PRKN: variants seen among roughly 807,000 people sequenced by gnomAD.
PRKN encodes E3 ubiquitin-protein ligase parkin.
In PRKN, 56 loss-of-function variants were observed where a neutral mutation model predicts 59.5. That is an observed-to-expected ratio of 0.94 (90% CI 0.76 to 1.18). The LOEUF (loss-of-function observed/expected upper bound fraction) is 1.18, where lower values mean the gene tolerates loss of function less well. Among genes scored for constraint, PRKN ranks in the 50% most tolerant of loss-of-function variants. PRKN has a pLI of 0.00. For synonymous variants in PRKN, 250 were observed against 222.1 expected, an observed-to-expected ratio of 1.13 and a Z score of -1.12; for missense variants, 657 against 596.4, an observed-to-expected ratio of 1.10 and a Z score of -1.06.
chr6:162,092,810 C>T (rs911792493), intron 4 of PRKN, among the ~76,000 whole-genome samples: 9 of 152,146 alleles, frequency 5.9e-5, no homozygotes, highest in African/African-American at 7.2e-5. Flanking sequence ...AATAAACATT[C>T]GGATGCTGAC....
rs1318249503 is a variant in PRKN at position 162,457,995 on chromosome 6, C to G, written c.8-14522G>C. On this transcript the variant is annotated intron_variant, in intron 1 of 11. Coordinates refer to ENST00000366898, the MANE Select transcript of PRKN (RefSeq NM_004562.3). ...ATTAGGCTGGGTGCAGTGGCTCGTGCCTGTAATCCAAGCTCTTTGAGAGGC... is the reference window on the plus strand; with the variant it reads ...ATTAGGCTGGGTGCAGTGGCTCGTGGCTGTAATCCAAGCTCTTTGAGAGGC... Among the ~76,000 whole-genome samples the G allele has an allele frequency of 5.3e-5, 8 of 151,944 alleles. No homozygotes were observed. The South Asian group carries it at 1.5e-3, about 28-fold the overall frequency.
chr6:162,344,551 C>A (rs1454450803), intron 2 of PRKN, among the ~76,000 whole-genome samples: 1 of 152,014 alleles, frequency 6.6e-6, no homozygotes, highest in African/African-American at 2.4e-5. Context: ...ACTGCCCTCA[C>A]AGCTGGGTCA....
intron 7 of PRKN, among the ~76,000 whole-genome samples, chr6:161,746,523 G>T (rs1171567043): frequency 6.7e-6 from 1 of 148,858 alleles, no homozygotes; most frequent in African/African-American, 2.5e-5. Context: ...AAAAAAAGCT[G>T]TAATAGTTGG....
intron 1 of PRKN, among the ~76,000 whole-genome samples, chr6:162,538,737 T>A (rs559867008): frequency 6.6e-6 from 1 of 152,262 alleles, no homozygotes; most frequent in South Asian, 2.1e-4. Flanking sequence ...GAGAAAAGAT[T>A]TCAAAAAGCA....
chr6:162,703,937 T>A (rs1486720296), intron 1 of PRKN, among the ~76,000 whole-genome samples: 3 of 152,288 alleles, frequency 2.0e-5, no homozygotes, highest in African/African-American at 4.8e-5. Context: ...TACAAGCGCA[T>A]GACAGAGATG....
intron 1 of PRKN, among the ~76,000 whole-genome samples, chr6:162,661,032 T>C (rs1778854565): frequency 6.6e-6 from 1 of 151,954 alleles, no homozygotes; most frequent in African/African-American, 2.4e-5. Context: ...GAGGCTGAGG[T>C]GGGCGGATCA....
At chr6:161,713,854 T>G (rs60135428) in intron 7 of PRKN, among the ~76,000 whole-genome samples, 63,466 of 151,894 alleles carry the variant, frequency 0.42, 14,145 homozygotes, top group Admixed American at 0.63. Context: ...GGGCCGGGTT[T>G]TTGCCATGCT....
chr6:161,907,672 G>A (rs895692022), intron 6 of PRKN, among the ~76,000 whole-genome samples: 1 of 152,200 alleles, frequency 6.6e-6, no homozygotes, highest in African/African-American at 2.4e-5. Context: ...AGTGACGTAA[G>A]ACGTGAGCCA....
chr6:161,900,116 T>TAATAA lies in PRKN; in HGVS notation c.734+73181_734+73185dup, dbSNP rs762480638. Among the ~76,000 whole-genome samples, 102 of 151,290 alleles carry TAATAA rather than the reference T, an allele frequency of 6.7e-4. 1 individual carries two copies. The highest frequency in any genetic ancestry group is 1.6e-3 in the East Asian group (8 of 5,074). Reference sequence around the variant, plus strand: ...ACAGAGTGAGATTCTGACTCAAAAATAATAAAATAAAATAAAATAAAATAA... The same window carrying TAATAA: ...ACAGAGTGAGATTCTGACTCAAAAATAATAAAATAAAATAAAATAAAATAAAATAA... On this transcript the variant is annotated intron_variant, in intron 6 of 11. Coordinates refer to ENST00000366898, the MANE Select transcript of PRKN (RefSeq NM_004562.3).
At chr6:162,032,978 A>C (rs942146907) in intron 5 of PRKN, among the ~76,000 whole-genome samples, 14 of 152,110 alleles carry the variant, frequency 9.2e-5, no homozygotes, top group Non-Finnish European at 1.8e-4. Context: ...AGCTTGACCC[A>C]ATTTCTCTGA....
intron 4 of PRKN, among the ~76,000 whole-genome samples, chr6:162,129,238 T>G: frequency 6.6e-6 from 1 of 152,324 alleles, no homozygotes; most frequent in Non-Finnish European, 1.5e-5. Flanking sequence ...TAAATGAGCT[T>G]TAATTTTATT....
At chr6:162,098,784 TACTCATTCCTCAG>T (rs1278865601) in intron 4 of PRKN, among the ~76,000 whole-genome samples, 1 of 152,234 alleles carries the variant, frequency 6.6e-6, no homozygotes, top group Non-Finnish European at 1.5e-5. Context: ...ACTTGTCCAG[TACTCATTCCTCAG>T]TACGTTGGCT....
intron 10 of PRKN, among the ~76,000 whole-genome samples, chr6:161,375,149 A>T (rs1453928330): frequency 6.6e-6 from 1 of 152,052 alleles, no homozygotes; most frequent in Non-Finnish European, 1.5e-5. Context: ...ATGCCCCTCA[A>T]GGCAGAACTC....
At chr6:162,338,326 T>C (rs1783945363) in intron 2 of PRKN, among the ~76,000 whole-genome samples, 1 of 152,154 alleles carries the variant, frequency 6.6e-6, no homozygotes, top group Non-Finnish European at 1.5e-5. Flanking sequence ...GAAGCTGGAC[T>C]GTACTGCTGC....
chr6:161,392,678 T>G (rs1248295759), intron 9 of PRKN, among the ~76,000 whole-genome samples: 1 of 151,956 alleles, frequency 6.6e-6, no homozygotes, highest in South Asian at 2.1e-4. Context: ...TACATTCTCC[T>G]TGGTATGTTT....
chr6:161,792,607 C>T (rs1328402643), intron 6 of PRKN, among the ~76,000 whole-genome samples: 2 of 152,292 alleles, frequency 1.3e-5, no homozygotes, highest in East Asian at 1.9e-4. Context: ...ACTAAATTTC[C>T]TCACTTGAGG....
intron 5 of PRKN, among the ~76,000 whole-genome samples, chr6:161,992,418 T>G (rs373341018): frequency 1.3e-5 from 2 of 152,324 alleles, no homozygotes; most frequent in South Asian, 2.1e-4. Flanking sequence ...GTAACAATTC[T>G]AAATATATGT....
At chr6:161,564,754 A>G (rs910411126) in intron 8 of PRKN, among the ~76,000 whole-genome samples, 9 of 151,796 alleles carry the variant, frequency 5.9e-5, no homozygotes, top group African/African-American at 2.2e-4. Flanking sequence ...CATTTCTCAA[A>G]TCTTCAGTTT....
chr6:162,331,787 C>T (rs2128124983), intron 2 of PRKN, among the ~76,000 whole-genome samples: 1 of 152,262 alleles, frequency 6.6e-6, no homozygotes, highest in South Asian at 2.1e-4. Context: ...ATTGACCTGG[C>T]ATTTTCTTTC....
Sources: gnomAD v4.1 joint callset for allele counts (sites outside exome capture counted in the v4.1 genomes callset) on GRCh38, gnomAD v4.1.1 for gene constraint, MANE v1.5 for transcripts, NCBI Gene and HGNC (gene_info 2026-07-23, HGNC 2026-07-21) for gene names.